EPM2A: variants seen among roughly 807,000 people sequenced by gnomAD.
The protein encoded by EPM2A is EPM2A glucan phosphatase, laforin, also known as laforin.
Under a neutral mutation model 26.5 loss-of-function variants are expected in EPM2A, and 21 were observed. The ratio of observed to expected loss-of-function variants is 0.79; its 90% confidence interval spans 0.56 to 1.14. EPM2A has a LOEUF of 1.14. EPM2A is among the 50% of genes most tolerant of loss of function. The probability of loss-of-function intolerance (pLI) is 0.00; values close to 1 mark genes in which losing one functional copy is unlikely to be tolerated. For synonymous variants in EPM2A, 217 were observed against 177.6 expected, an observed-to-expected ratio of 1.22 and a Z score of -1.76; for missense variants, 458 against 440.8, an observed-to-expected ratio of 1.04 and a Z score of -0.35.
intron 2 of EPM2A, among the ~76,000 whole-genome samples, chr6:145,679,465 A>T (rs1179590747): frequency 6.6e-6 from 1 of 151,884 alleles, no homozygotes; most frequent in Non-Finnish European, 1.5e-5. Context: ...AAAGAAATGC[A>T]AAATATAAAA....
intron 2 of EPM2A, chr6:145,638,420 C>A (rs974947261): frequency 1.1e-4 from 17 of 152,136 alleles, no homozygotes; most frequent in African/African-American, 4.1e-4. Context: ...CCCTGGCCTT[C>A]AAATGTTTTT....
At chr6:145,436,876 A>T (rs1254803582) in intron 4 of EPM2A, among the ~76,000 whole-genome samples, 1 of 151,550 alleles carries the variant, frequency 6.6e-6, no homozygotes, top group Admixed American at 6.6e-5. Flanking sequence ...TTTCTTTAGA[A>T]TTTCCATCTT....
chr6:145,594,401 C>T (rs1274424962), intron 2 of EPM2A, among the ~76,000 whole-genome samples: 1 of 151,678 alleles, frequency 6.6e-6, no homozygotes, highest in Non-Finnish European at 1.5e-5. Context: ...ACTAATTTCC[C>T]ATAACGTCTT....
At chr6:145,684,037 T>G (rs1025111627) in intron 2 of EPM2A, among the ~76,000 whole-genome samples, 2 of 152,084 alleles carry the variant, frequency 1.3e-5, no homozygotes, top group Admixed American at 1.3e-4. Context: ...ATAACTCTCA[T>G]TAGTATTCTA....
chr6:145,685,547 C>A (rs1034852902), intron 2 of EPM2A, among the ~76,000 whole-genome samples: 1 of 152,014 alleles, frequency 6.6e-6, no homozygotes, highest in Non-Finnish European at 1.5e-5. Flanking sequence ...AAAAACTAAC[C>A]ATAAAGTGAT....
intron 4 of EPM2A, among the ~76,000 whole-genome samples, chr6:145,411,565 T>TA (rs111501027): frequency 0.12 from 18,398 of 148,690 alleles, 1,173 homozygotes; most frequent in South Asian, 0.24. Flanking sequence ...TTGAGAATGG[T>TA]AAAAAAAAAA....
chr6:145,486,329 T>C (rs184923313), intron 4 of EPM2A, among the ~76,000 whole-genome samples: 4 of 152,316 alleles, frequency 2.6e-5, no homozygotes, highest in Admixed American at 2.0e-4. Context: ...AATGTTATTA[T>C]GCATATTTAA....
intron 2 of EPM2A, among the ~76,000 whole-genome samples, chr6:145,592,117 C>T (rs1361204893): frequency 6.6e-6 from 1 of 150,768 alleles, no homozygotes; most frequent in South Asian, 2.1e-4. Context: ...CCCGTTAACT[C>T]GTCATTTACA....
In EPM2A at chr6:145,599,633, TTA is replaced by T. The variant is rs773545574; in HGVS notation, c.340+35610_340+35611del. Among the ~76,000 whole-genome samples, 202 of 152,142 alleles carry T rather than the reference TTA, an allele frequency of 1.3e-3. 1 individual carries two copies. The highest frequency in any genetic ancestry group is 2.4e-3 in the Non-Finnish European group (163 of 67,916). Reference sequence around the variant, plus strand: ...GCTTCTGTATGTTTTGGTCTTTTTCTTATATATTGGAATCTTCTATATATGAA... The same window carrying T: ...GCTTCTGTATGTTTTGGTCTTTTTCTTATATTGGAATCTTCTATATATGAA... On this transcript the variant is annotated intron_variant, in intron 2 of 3. Coordinates refer to the EPM2A transcript ENST00000450221.
intron 4 of EPM2A, among the ~76,000 whole-genome samples, chr6:145,464,742 T>C (rs1468027886): frequency 6.6e-6 from 1 of 152,100 alleles, no homozygotes; most frequent in Non-Finnish European, 1.5e-5. Context: ...TTGAAAGTTT[T>C]AAATTGTTAT....
downstream of EPM2A, among the ~76,000 whole-genome samples, chr6:145,499,169 C>G (rs1481505767): frequency 6.6e-6 from 1 of 152,196 alleles, no homozygotes; most frequent in Non-Finnish European, 1.5e-5. Context: ...AATGCTCTCA[C>G]TCAAGATGAA....
chr6:145,467,123 C>A (rs1395778018), intron 4 of EPM2A, among the ~76,000 whole-genome samples: 1 of 151,598 alleles, frequency 6.6e-6, no homozygotes, highest in Admixed American at 6.6e-5. Context: ...TGCACATGTA[C>A]CCTAAAACTT....
chr6:145,660,018 T>C (rs1778572011), intron 2 of EPM2A, among the ~76,000 whole-genome samples: 1 of 152,174 alleles, frequency 6.6e-6, no homozygotes, highest in Non-Finnish European at 1.5e-5. Flanking sequence ...GGGGAGCTGA[T>C]TTGTGAATCA....
rs79609834 is a variant in EPM2A, at chr6:145,588,896, G to A, written c.340+46349C>T. Among the ~76,000 whole-genome samples, 202 of 152,276 alleles carry A rather than the reference G, an allele frequency of 1.3e-3. 1 individual carries two copies. Among genetic ancestry groups the A allele is most frequent in the African/African-American group, 4.7e-3 (196 of 41,562 alleles). ...TTGAGCAGGGGAACTTTACTATAAG[G>A]AGTTTTTAACTAGTAGAAGGTAGAA... On this transcript the variant is annotated intron_variant, in intron 2 of 3. Coordinates refer to the EPM2A transcript ENST00000450221.
intron 4 of EPM2A, among the ~76,000 whole-genome samples, chr6:145,411,609 T>C (rs1778643885): frequency 6.6e-6 from 1 of 152,122 alleles, no homozygotes; most frequent in African/African-American, 2.4e-5. Context: ...TTCCAAGCAT[T>C]TTAAAATTAT....
intron 1 of EPM2A, among the ~76,000 whole-genome samples, chr6:145,728,422 T>A (rs528861597): frequency 2.0e-5 from 3 of 152,206 alleles, no homozygotes; most frequent in Admixed American, 6.5e-5. Context: ...AAGTCCAGGC[T>A]GAGGTGGTCT....
intron 4 of EPM2A, among the ~76,000 whole-genome samples, chr6:145,407,577 A>T (rs918484627): frequency 6.6e-6 from 1 of 152,202 alleles, no homozygotes; most frequent in African/African-American, 2.4e-5. Flanking sequence ...AGTTTTCACA[A>T]TTTAAAATTC....
intron 4 of EPM2A, among the ~76,000 whole-genome samples, chr6:145,476,704 G>T (rs1029438262): frequency 3.0e-4 from 46 of 151,946 alleles, no homozygotes; most frequent in Non-Finnish European, 6.6e-4. Context: ...AATGACCAGT[G>T]GGTCACTGAA....
intron 4 of EPM2A, among the ~76,000 whole-genome samples, chr6:145,464,301 C>T (rs1779360180): frequency 6.6e-6 from 1 of 152,090 alleles, no homozygotes; most frequent in Admixed American, 6.6e-5. Flanking sequence ...TGAGGCCTCC[C>T]CAGCCATGCA....
Sources: gnomAD v4.1 joint callset for allele counts (sites outside exome capture counted in the v4.1 genomes callset) on GRCh38, gnomAD v4.1.1 for gene constraint, MANE v1.5 for transcripts, NCBI Gene and HGNC (gene_info 2026-07-23, HGNC 2026-07-21) for gene names.